The following EXOC6B variants were observed in gnomAD, a reference collection of about 807,000 sequenced individuals.
EXOC6B encodes the protein SEC15 homolog B.
In EXOC6B, 54 loss-of-function variants were observed where a neutral mutation model predicts 113.5. That is an observed-to-expected ratio of 0.48 (90% CI 0.38 to 0.60). The LOEUF is 0.60. Among genes scored for constraint, EXOC6B ranks in the 20% least tolerant of loss-of-function variants. The probability of loss-of-function intolerance (pLI) is 0.00; values close to 1 mark genes in which losing one functional copy is unlikely to be tolerated. For synonymous variants in EXOC6B, 357 were observed against 339.0 expected, an observed-to-expected ratio of 1.05 and a Z score of -0.58; for missense variants, 797 against 977.5, an observed-to-expected ratio of 0.82 and a Z score of 2.46.
intron 20 of EXOC6B, among the ~76,000 whole-genome samples, chr2:72,310,804 T>C (rs1302079532): frequency 6.6e-6 from 1 of 151,784 alleles, no homozygotes; most frequent in African/African-American, 2.4e-5. Context: ...TATCATTTAT[T>C]AAGCCTCTAC....
Position 72,392,229 on chromosome 2 carries a change from G to T in EXOC6B, c.1981-12359C>A, listed in dbSNP as rs77788371. ...ATCAGCTGGTAACCCTGAAGCAGTGGCTTACCCTTGGCCTTGGTCAACATA... is the reference window on the plus strand; with the variant it reads ...ATCAGCTGGTAACCCTGAAGCAGTGTCTTACCCTTGGCCTTGGTCAACATA... On this transcript the variant is annotated intron_variant, in intron 18 of 21. Transcript: ENST00000272427. Among the ~76,000 whole-genome samples, 865 of 152,234 alleles carry T rather than the reference G, an allele frequency of 5.7e-3. 3 individuals are homozygous for T. Among genetic ancestry groups the T allele is most frequent in the African/African-American group, 0.019 (780 of 41,536 alleles).
chr2:72,498,366 T>C, intron 13 of EXOC6B, 88 bp downstream of exon 13: 1 of 817,924 alleles, frequency 1.2e-6, no homozygotes, highest in Non-Finnish European at 1.9e-6. Flanking sequence ...TTGTTGCCTA[T>C]AACATCTGAA....
At chr2:72,583,044 G>A (rs1206530979) in intron 6 of EXOC6B, among the ~76,000 whole-genome samples, 1 of 152,010 alleles carries the variant, frequency 6.6e-6, no homozygotes, top group Admixed American at 6.6e-5. Context: ...ACTCACTTAG[G>A]GAATTTCAAA....
intron 20 of EXOC6B, among the ~76,000 whole-genome samples, chr2:72,208,918 T>C (rs993659613): frequency 6.6e-6 from 1 of 152,144 alleles, no homozygotes; most frequent in African/African-American, 2.4e-5. Context: ...CTTGTTACCA[T>C]AAGTAGTTTG....
intron 18 of EXOC6B, among the ~76,000 whole-genome samples, chr2:72,400,697 C>G (rs1435008725): frequency 6.8e-6 from 1 of 147,130 alleles, no homozygotes; most frequent in East Asian, 2.0e-4. Context: ...AAATGCTCAA[C>G]ATCACTAATT....
intron 1 of EXOC6B, among the ~76,000 whole-genome samples, chr2:72,762,836 A>G (rs1458458409): frequency 6.6e-6 from 1 of 152,108 alleles, no homozygotes; most frequent in Non-Finnish European, 1.5e-5. Context: ...AAATAATGAT[A>G]ATGAACTATG....
chr2:72,792,657 C>T (rs1398690696), intron 1 of EXOC6B, among the ~76,000 whole-genome samples: 5 of 152,140 alleles, frequency 3.3e-5, no homozygotes, highest in Non-Finnish European at 7.4e-5. Flanking sequence ...TTACAACTTT[C>T]ACTAGGTGGT....
Position 72,382,950 on chromosome 2 carries a change from T to C in EXOC6B, c.1981-3080A>G, listed in dbSNP as rs540431797. ...AGGCAGAGTAGCCATATGCAGAAGA[T>C]TGGAATCAGACTCCTTCCTTGTACC... On this transcript the variant is annotated intron_variant, in intron 18 of 21. Coordinates refer to ENST00000272427, the MANE Select transcript of EXOC6B (RefSeq NM_015189.3). Among the ~76,000 whole-genome samples, 8 of 152,176 alleles carry C rather than the reference T, an allele frequency of 5.3e-5. No homozygotes were observed. The South Asian group carries it at 1.2e-3, about 24-fold the overall frequency.
chr2:72,764,014 G>T (rs998810689), intron 1 of EXOC6B, among the ~76,000 whole-genome samples: 5 of 152,064 alleles, frequency 3.3e-5, no homozygotes, highest in Non-Finnish European at 5.9e-5. Context: ...AGGAGGTCAA[G>T]GCTCCAGTGA....
intron 11 of EXOC6B, among the ~76,000 whole-genome samples, chr2:72,507,228 TG>T (rs1321970097): frequency 5.3e-5 from 8 of 152,220 alleles, no homozygotes; most frequent in African/African-American, 1.9e-4. Context: ...ATTTGATGTT[TG>T]GGTTGTTCTT....
chr2:72,387,509 A>T (rs1488727220), intron 18 of EXOC6B, among the ~76,000 whole-genome samples: 1 of 152,144 alleles, frequency 6.6e-6, no homozygotes, highest in Non-Finnish European at 1.5e-5. Flanking sequence ...TCTTTATTAC[A>T]AATAAGCCTA....
chr2:72,225,783 T>G (rs1264678062), intron 20 of EXOC6B, among the ~76,000 whole-genome samples: 2 of 152,222 alleles, frequency 1.3e-5, no homozygotes, highest in Admixed American at 1.3e-4. Context: ...TTGGGCATTA[T>G]TTCTTATCCA....
chr2:72,748,160 A>G (rs1322740257), intron 1 of EXOC6B, among the ~76,000 whole-genome samples: 1 of 152,076 alleles, frequency 6.6e-6, no homozygotes, highest in Non-Finnish European at 1.5e-5. Context: ...TCAAGACACA[A>G]TGAACTGAAC....
At chr2:72,285,186 G>A (rs1176920239) in intron 20 of EXOC6B, among the ~76,000 whole-genome samples, 1 of 152,002 alleles carries the variant, frequency 6.6e-6, no homozygotes, top group Non-Finnish European at 1.5e-5. Context: ...GAAGAACTAA[G>A]TCAGACTTTG....
chr2:72,250,369 G>T (rs145551424), intron 20 of EXOC6B, among the ~76,000 whole-genome samples: 1 of 151,976 alleles, frequency 6.6e-6, no homozygotes, highest in Non-Finnish European at 1.5e-5. Flanking sequence ...TTGAGACAGG[G>T]TCTTGCTCTG....
rs76862216 is a variant in EXOC6B at position 72,656,472 on chromosome 2, C to G, written c.669+61631G>C. Among the ~76,000 whole-genome samples the G allele has an allele frequency of 4.4e-4, 67 of 151,984 alleles. No homozygotes were observed. In the East Asian group the frequency reaches 0.012, roughly 28 times the overall value. ...ATTACATAAAACTAAAGCTTCACAT[C>G]TATGCAAGGAATAAAAAAAGGTAAT... On this transcript the variant is annotated intron_variant, in intron 6 of 21. Transcript: ENST00000272427.
chr2:72,797,532 G>A (rs925237769), intron 1 of EXOC6B, among the ~76,000 whole-genome samples: 1 of 152,220 alleles, frequency 6.6e-6, no homozygotes, highest in Non-Finnish European at 1.5e-5. Flanking sequence ...ATACATATGT[G>A]GCCGGGTGCA....
At chr2:72,433,457 C>A (rs549538076) in intron 18 of EXOC6B, among the ~76,000 whole-genome samples, 2 of 152,270 alleles carry the variant, frequency 1.3e-5, no homozygotes, top group South Asian at 4.1e-4. Flanking sequence ...TCAGTGGTAG[C>A]TTGATGGGAG....
intron 6 of EXOC6B, among the ~76,000 whole-genome samples, chr2:72,704,463 G>A: frequency 6.8e-6 from 1 of 146,240 alleles, no homozygotes; most frequent in East Asian, 2.0e-4. Flanking sequence ...CAGAAGGCAA[G>A]AAATAACTAA....
Sources: gnomAD v4.1 joint callset for allele counts (sites outside exome capture counted in the v4.1 genomes callset) on GRCh38, gnomAD v4.1.1 for gene constraint, MANE v1.5 for transcripts, NCBI Gene and HGNC (gene_info 2026-07-23, HGNC 2026-07-21) for gene names.